Variants in INPPL1 observed in about 807,000 individuals in gnomAD.
The protein encoded by INPPL1 is phosphatidylinositol 3,4,5-trisphosphate 5-phosphatase 2.
Under a neutral mutation model 139.3 loss-of-function variants are expected in INPPL1, and 91 were observed. The ratio of observed to expected loss-of-function variants is 0.65; its 90% CI spans 0.55 to 0.78. The LOEUF is 0.78. Among genes scored for constraint, INPPL1 ranks in the 30% least tolerant of loss-of-function variants. INPPL1 has a pLI of 0.00. For missense variants in INPPL1, 1,411 were observed against 1,665.6 expected, an observed-to-expected ratio of 0.85 and a Z score of 2.66; for synonymous variants, 719 against 686.6, an observed-to-expected ratio of 1.05 and a Z score of -0.74.
chr11:72,238,304 ACCC>A lies in INPPL1; in HGVS notation c.3729_3731del (p.Asp1243_Pro1244delinsGlu). On this transcript the variant is annotated inframe_deletion, in exon 28 of 28. Transcript: ENST00000298229. ...GACTTGGAGGAGGCTGGGGTGCAGG[ACCC>A]GGCTCACAAGCGCCTCCTTCTGGAC... The A allele has an allele frequency of 6.3e-7, 1 of 1,598,956 alleles. No homozygotes were observed. Among genetic ancestry groups the A allele is most frequent in the Non-Finnish European group, 8.5e-7 (1 of 1,173,828 alleles).
chr11:72,224,760 A>G (rs1948618985), upstream of INPPL1: 1 of 173,480 alleles, frequency 5.8e-6, no homozygotes, highest in South Asian at 2.0e-4. Flanking sequence ...CCTCTGAACA[A>G]ACTTTTCTTT....
chr11:72,237,595 T>C lies in INPPL1; in HGVS notation c.3351T>C (p.Asp1117=), dbSNP rs1949027269. ...TCCTGGGGGAAGTGGCCAGTGGGGA[T>C]GACCGGTCCTGCTCGGTGCTGCAGA... is the stretch of plus-strand genomic sequence containing the variant. ...STFLGEVASG[D]DRSCSVLQMA... is the part of the protein sequence containing the mutation. Residue 1117 remains aspartate (D), a synonymous_variant, in exon 26 of 28, where the codon GAT becomes GAC. Coordinates refer to ENST00000298229, the MANE Select transcript of INPPL1 (RefSeq NM_001567.4). The C allele has an allele frequency of 1.3e-6, 2 of 1,599,650 alleles. No homozygotes were observed. The highest frequency in any genetic ancestry group is 1.1e-5 in the South Asian group (1 of 90,208).
chr11:72,225,347 CTG>C (rs1280416527), intron 1 of INPPL1, 181 bp downstream of exon 1: 2 of 985,278 alleles, frequency 2.0e-6, no homozygotes, highest in Non-Finnish European at 2.4e-6. Flanking sequence ...GCACTTCCTG[CTG>C]TGTGTCTGGG....
chr11:72,234,998 T>C lies in INPPL1; in HGVS notation c.2416-118T>C. The stretch of plus-strand genomic sequence containing the variant: ...TTTGGCTCTTCTCTGAAGAGTTGAG[T>C]GTGAGTGAGCACAGATGACCTGAGG... On this transcript the variant is annotated intron_variant, in intron 21 of 27. Transcript: ENST00000298229. The surrounding 1 kb of genome is among the most constrained non-coding windows in gnomAD (Gnocchi z 4.2). 2 of 797,464 alleles carry C rather than the reference T, an allele frequency of 2.5e-6. No homozygotes were observed. Among genetic ancestry groups the C allele is most frequent in the South Asian group, 3.3e-5 (2 of 60,028 alleles). The allele number at this position is 797,464 out of a possible 1,614,324, so 49.4% of individuals were successfully genotyped here. A position where few individuals can be genotyped will look rare whatever the true frequency, so the allele number is the denominator to read the frequency against.
chr11:72,231,925 T>A (rs1474764375), intron 13 of INPPL1, among the ~76,000 whole-genome samples: 1 of 152,050 alleles, frequency 6.6e-6, no homozygotes, highest in Non-Finnish European at 1.5e-5. Context: ...TGATTTTCGG[T>A]CTGGTGCTCT....
intron 1 of INPPL1, among the ~76,000 whole-genome samples, chr11:72,227,338 A>G (rs1261002988): frequency 6.6e-6 from 1 of 152,214 alleles, no homozygotes; most frequent in African/African-American, 2.4e-5. Context: ...TTTATAGGAC[A>G]CTGGGTACCC....
At chr11:72,231,355 G>A in intron 12 of INPPL1, 143 bp from the exon 13 acceptor site, 1 of 917,502 alleles carries the variant, frequency 1.1e-6, no homozygotes, top group South Asian at 1.5e-5. Flanking sequence ...GCCACGAGAG[G>A]AACCATTTCT....
In INPPL1 at chr11:72,231,559, A is replaced by C. The variant is rs749765893; in HGVS notation, c.1559A>C (p.Asn520Thr). Residue 520 changes from asparagine to threonine, a missense_variant, in exon 13 of 28, where the codon AAC becomes ACC. Coordinates refer to ENST00000298229, the MANE Select transcript of INPPL1 (RefSeq NM_001567.4). ...VAVLVKPEHE[N>T]RISHVSTSSV... ...GTGCTGGTCAAGCCAGAGCACGAGAACCGTATCAGCCATGTCAGTACGTCC... is the reference window on the plus strand; with the variant it reads ...GTGCTGGTCAAGCCAGAGCACGAGACCCGTATCAGCCATGTCAGTACGTCC... The C allele has an allele frequency of 9.3e-6, 15 of 1,613,886 alleles. No homozygotes were observed. The highest frequency in any genetic ancestry group is 1.3e-5 in the Non-Finnish European group (15 of 1,180,034).
At chr11:72,227,148 A>G (rs1182408351) in intron 1 of INPPL1, among the ~76,000 whole-genome samples, 4 of 152,336 alleles carry the variant, frequency 2.6e-5, no homozygotes, top group South Asian at 2.1e-4. Flanking sequence ...CAGCAGGCAC[A>G]GGCAATCTGA....
rs1292063739 is a variant in INPPL1 at position 72,229,243 on chromosome 11, T to C, written c.659+13T>C. 3 of 1,598,064 alleles carry C rather than the reference T, an allele frequency of 1.9e-6. No individual in the cohort carries two copies. Among genetic ancestry groups the C allele is most frequent in the African/African-American group, 1.3e-5 (1 of 74,678 alleles). On this transcript the variant is annotated intron_variant, in intron 5 of 27. Transcript: ENST00000298229. ...GGAGGCTGCACAGGTATCTGGGACA[T>C]CCAGCCCCATGTATTACACCCTTAC...
chr11:72,231,498 A>G lies in INPPL1; in HGVS notation c.1498A>G (p.Ile500Val), dbSNP rs1220191320. Residue 500 changes from isoleucine (I) to valine (V), a missense_variant and splice_region_variant, in exon 13 of 28, where the codon ATT (isoleucine) becomes GTT (valine). Ile to Val is a conservative substitution (Grantham distance 29). Coordinates refer to ENST00000298229, the MANE Select transcript of INPPL1 (RefSeq NM_001567.4). The stretch of plus-strand genomic sequence containing the variant: ...TGGTGACCATGCACTCTCTACCCAG[A>G]TTGCCATGCAATCACTGTGGAATAT... ...KELTDLDYRP[I>V]AMQSLWNIKV... The G allele has an allele frequency of 7.4e-6, 12 of 1,611,788 alleles. No homozygotes were observed. In the East Asian group the frequency reaches 2.7e-4, roughly 36 times the overall value.
In INPPL1 at chr11:72,238,289, A is replaced by C. The variant is rs1021884109; in HGVS notation, c.3713A>C (p.Glu1238Ala). The C allele has an allele frequency of 4.4e-6, 7 of 1,609,034 alleles. No individual in the cohort carries two copies. Among genetic ancestry groups the C allele is most frequent in the Non-Finnish European group, 5.9e-6 (7 of 1,177,668 alleles). Reference sequence around the variant, plus strand: ...GACATCACCGAGGAGGACTTGGAGGAGGCTGGGGTGCAGGACCCGGCTCAC... The same window carrying C: ...GACATCACCGAGGAGGACTTGGAGGCGGCTGGGGTGCAGGACCCGGCTCAC... ...LSDITEEDLE[E>A]AGVQDPAHKR... The change falls in exon 28 of 28, where the codon GAG becomes GCG. Residue 1238 changes from glutamate to alanine, a missense_variant. Glu to Ala is a moderately radical substitution (Grantham distance 107). Coordinates refer to ENST00000298229, the MANE Select transcript of INPPL1 (RefSeq NM_001567.4).
chr11:72,231,412 T>G (rs1317541934), intron 12 of INPPL1, 86 bp from the exon 13 acceptor site: 1 of 1,152,202 alleles, frequency 8.7e-7, no homozygotes, highest in Non-Finnish European at 1.3e-6. Flanking sequence ...TACCCTGTGA[T>G]GGACACAAAA....
Position 72,227,852 on chromosome 11 carries a change from C to T in INPPL1, c.183-338C>T. On this transcript the variant is annotated intron_variant, in intron 1 of 27. Transcript: ENST00000298229. ...AAGACTCTTACTCTGGCGGGGAGCC[C>T]AGACTGGTACCACAGCCCAGAGGGG... 3 of 383,180 alleles carry T rather than the reference C, an allele frequency of 7.8e-6. No homozygotes were observed. The East Asian group carries it at 1.7e-4, about 22-fold the overall frequency. The allele number at this position is 383,180 out of a possible 1,614,324, so 23.7% of individuals were successfully genotyped here.
intron 18 of INPPL1, 49 bp downstream of exon 18, chr11:72,233,571 C>T: frequency 6.2e-7 from 1 of 1,606,730 alleles, no homozygotes; most frequent in Non-Finnish European, 8.5e-7. Context: ...TGGTCACCAT[C>T]TGGACTCTGC....
chr11:72,235,187 T>C lies in INPPL1; in HGVS notation c.2487T>C (p.Asp829=), dbSNP rs928393816. The C allele has an allele frequency of 1.2e-6, 2 of 1,613,952 alleles. No homozygotes were observed. Among genetic ancestry groups the C allele is most frequent in the Middle Eastern group, 1.6e-4 (1 of 6,062 alleles). The part of the protein sequence containing the change: ...QHLLLTVKSM[D]GYESYGECVV... ...TCCTGCTCACAGTCAAGTCCATGGA[T>C]GGCTATGAATCCTATGGTGAGGGGT... Residue 829 remains aspartate (D), a synonymous_variant, in exon 22 of 28, where the codon GAT becomes GAC. Transcript: ENST00000298229. This position sits in a 1 kb window ranked among gnomAD's most constrained non-coding sequence, Gnocchi z 4.9.
In INPPL1 at chr11:72,237,723, CGG is replaced by C; in HGVS notation, c.3480_3481del (p.Asp1161LeufsTer53). 1 of 1,611,696 alleles carries C rather than the reference CGG, an allele frequency of 6.2e-7. No homozygotes were observed. The highest frequency in any genetic ancestry group is 8.5e-7 in the Non-Finnish European group (1 of 1,179,480). On this transcript the variant is annotated frameshift_variant, in exon 26 of 28. Transcript: ENST00000298229. LOFTEE classifies it high-confidence loss of function. ...CTGCAGCCCCCCCGGGGACTGCCCT[CGG>C]ACTATGGCCGGCCCCTCAGCTTCCC...
Position 72,238,125 on chromosome 11 carries a change from C to T in INPPL1, c.3636C>T (p.Arg1212=). ...GGCTGCGGGCCATCGGCTTGGAGCG[C>T]TATGAGGAGGGCCTGGTGCATAATG... ...SAWLRAIGLE[R]YEEGLVHNGW... The change falls in exon 27 of 28, where the codon CGC becomes CGT. Residue 1212 remains arginine (R), a synonymous_variant. Coordinates refer to ENST00000298229, the MANE Select transcript of INPPL1 (RefSeq NM_001567.4). 2.5e-6 allele frequency: 4 copies of T among 1,583,500 alleles called. No homozygotes were observed. The highest frequency in any genetic ancestry group is 3.4e-6 in the Non-Finnish European group (4 of 1,165,290).
Position 72,235,360 on chromosome 11 carries a change from A to G in INPPL1, c.2568A>G (p.Leu856=), listed in dbSNP as rs1426467078. The G allele has an allele frequency of 3.1e-6, 5 of 1,613,872 alleles. No individual in the cohort carries two copies. The South Asian group carries it at 3.3e-5, about 11-fold the overall frequency. The change falls in exon 23 of 28, where the codon CTA becomes CTG. Residue 856 remains leucine, a synonymous_variant. Coordinates refer to ENST00000298229, the MANE Select transcript of INPPL1 (RefSeq NM_001567.4). The surrounding 1 kb of genome is among the most constrained non-coding windows in gnomAD (Gnocchi z 4.9). ...CGGCCCAACAGTTCCTGACCTTCCTATCCCACCGTGGCGAGGAGACAGGCA... is the reference window on the plus strand; with the variant it reads ...CGGCCCAACAGTTCCTGACCTTCCTGTCCCACCGTGGCGAGGAGACAGGCA... ...GSTAQQFLTF[L]SHRGEETGNI... is the part of the protein sequence containing the mutation.
Sources: gnomAD v4.1 joint callset for allele counts (sites outside exome capture counted in the v4.1 genomes callset) on GRCh38, gnomAD v4.1.1 for gene constraint, Gnocchi (gnomAD v3.1) non-coding constraint, MANE v1.5 for transcripts, NCBI Gene and HGNC (gene_info 2026-07-23, HGNC 2026-07-21) for gene names.